ZNF761: variants seen among roughly 807,000 people sequenced by gnomAD.
ZNF761 encodes zinc finger protein 761.
ZNF761 carries 43 observed loss-of-function variants against 59.9 expected under a neutral mutation model. The ratio of observed to expected loss-of-function variants is 0.72; its 90% CI spans 0.56 to 0.92. The LOEUF (loss-of-function observed/expected upper bound fraction) is 0.92. ZNF761 is among the 40% of genes least tolerant of loss of function. The pLI, the probability that ZNF761 is intolerant of heterozygous loss-of-function variation, is 0.00. For synonymous variants in ZNF761, 294 were observed against 304.8 expected, an observed-to-expected ratio of 0.96 and a Z score of 0.37; for missense variants, 850 against 906.1, an observed-to-expected ratio of 0.94 and a Z score of 0.79.
At chr19:53,448,954 T>A (rs11883259) in intron 3 of ZNF761, among the ~76,000 whole-genome samples, 30,917 of 152,028 alleles carry the variant, frequency 0.2, 3,591 homozygotes, top group Non-Finnish European at 0.26. Context: ...TAGTTTCTCA[T>A]CTTTCACTGT....
chr19:53,446,996 G>C (rs144565376), intron 2 of ZNF761, 200 bp from the exon 3 acceptor site: 3,642 of 325,268 alleles, frequency 0.011, 33 homozygotes, highest in Non-Finnish European at 0.016. Context: ...TTCCAGCCCA[G>C]CTCCCACTGT....
intron 1 of ZNF761, among the ~76,000 whole-genome samples, chr19:53,439,930 C>T (rs1018712023): frequency 8.5e-5 from 13 of 152,066 alleles, no homozygotes; most frequent in Non-Finnish European, 1.6e-4. Flanking sequence ...TACAGCTAAA[C>T]CAGGTGGGTT....
chr19:53,457,254 T>C lies in ZNF761; in HGVS notation c.*506T>C. Reference sequence around the variant, plus strand: ...AGAGAGATCATACTAGGGTAATAAATGTGGCAGATTTTTCAGACATTGTTC... The same window carrying C: ...AGAGAGATCATACTAGGGTAATAAACGTGGCAGATTTTTCAGACATTGTTC... On this transcript the variant is annotated 3_prime_UTR_variant, in exon 5 of 5. Transcript: ENST00000684525. 2.3e-6 allele frequency: 1 copy of C among 435,962 alleles called. No homozygotes were observed. Among genetic ancestry groups the C allele is most frequent in the African/African-American group, 2.0e-5 (1 of 49,126 alleles). 27.0% of individuals were successfully genotyped at this position (435,962 alleles called of 1,614,324 possible).
chr19:53,446,050 C>G (rs1292138536), intron 1 of ZNF761, among the ~76,000 whole-genome samples, 177 bp from the exon 2 acceptor site: 1 of 152,198 alleles, frequency 6.6e-6, no homozygotes, highest in East Asian at 1.9e-4. Context: ...ACCCTATGTC[C>G]CTAAATGATC....
chr19:53,438,570 G>A lies in ZNF761; in HGVS notation c.-185+6542G>A, dbSNP rs76999294. Among the ~76,000 whole-genome samples, 3 of 152,084 alleles carry A rather than the reference G, an allele frequency of 2.0e-5. No individual in the cohort carries two copies. The South Asian group carries it at 6.2e-4, about 32-fold the overall frequency. On this transcript the variant is annotated intron_variant, in intron 1 of 4. Transcript: ENST00000684525. ...TTTCTTGGTTAGTTTTTTAAAAGAG[G>A]GGCTCCTTTTCCCCTCCTTTTGTGG...
intron 1 of ZNF761, among the ~76,000 whole-genome samples, chr19:53,437,056 G>A (rs905536237): frequency 1.3e-5 from 2 of 152,134 alleles, no homozygotes; most frequent in African/African-American, 4.8e-5. Context: ...AGTGGCTCAT[G>A]CCTGTAATCC....
At chr19:53,444,675 T>C (rs1600089738) in intron 1 of ZNF761, 2 of 152,198 alleles carry the variant, frequency 1.3e-5, no homozygotes, top group South Asian at 2.1e-4. Context: ...TCTCTATACT[T>C]TGTCTCTGTG....
chr19:53,435,546 A>G (rs2086032018), intron 1 of ZNF761, among the ~76,000 whole-genome samples: 1 of 150,814 alleles, frequency 6.6e-6, no homozygotes. Flanking sequence ...CAGGTGATCC[A>G]CCCATCGTGG....
At chr19:53,453,691 C>T (rs565932328) in intron 4 of ZNF761, among the ~76,000 whole-genome samples, 75 of 151,964 alleles carry the variant, frequency 4.9e-4, no homozygotes, top group Non-Finnish European at 5.9e-4. Flanking sequence ...GCCTGGCCAA[C>T]GTGTTGAAAC....
intron 2 of ZNF761, among the ~76,000 whole-genome samples, chr19:53,446,995 A>T (rs1177850521): frequency 6.6e-6 from 1 of 152,142 alleles, no homozygotes; most frequent in Non-Finnish European, 1.5e-5. Flanking sequence ...ATTCCAGCCC[A>T]GCTCCCACTG....
rs1330518741 is a variant in ZNF761, at chr19:53,448,554, G to A, written c.16-958G>A. Among the ~76,000 whole-genome samples the A allele has an allele frequency of 1.3e-5, 2 of 152,116 alleles. 1 individual carries two copies. The highest frequency in any genetic ancestry group is 2.9e-5 in the Non-Finnish European group (2 of 68,040). ...GTTATGAGACTTATGAGATGATATC[G>A]TTATGAGATATAATCGATGAGATAT... On this transcript the variant is annotated intron_variant, in intron 3 of 4. Transcript: ENST00000684525.
At chr19:53,449,407 C>T (rs2086195177) in intron 3 of ZNF761, 105 bp from the exon 4 acceptor site, 3 of 1,601,826 alleles carry the variant, frequency 1.9e-6, no homozygotes, top group Non-Finnish European at 2.6e-6. Flanking sequence ...TTTGTTAGAA[C>T]ATTCACTGCA....
chr19:53,449,654 C>G lies in ZNF761; in HGVS notation c.142+16C>G. ...GTCTCCCTGGGTGAGGATAACTTCC[C>G]TCCAGAAGTGGGAATGTGCCCTTGT... On this transcript the variant is annotated intron_variant, in intron 4 of 4. Transcript: ENST00000684525. 1.3e-6 allele frequency: 2 copies of G among 1,598,510 alleles called. No homozygotes were observed. Among genetic ancestry groups the G allele is most frequent in the Non-Finnish European group, 1.7e-6 (2 of 1,174,662 alleles).
intron 3 of ZNF761, 107 bp downstream of exon 3, chr19:53,447,390 TGCTCA>T: frequency 6.8e-7 from 1 of 1,473,830 alleles, no homozygotes; most frequent in Middle Eastern, 1.7e-4. Context: ...CTGACAGGTT[TGCTCA>T]CATTCACCCA....
intron 1 of ZNF761, chr19:53,442,542 A>G: frequency 2.9e-6 from 2 of 697,198 alleles, no homozygotes; most frequent in East Asian, 2.5e-5. Context: ...GAAATGCACC[A>G]AAGAGGAACA....
intron 1 of ZNF761, among the ~76,000 whole-genome samples, chr19:53,435,268 G>C (rs1281259051): frequency 7.2e-6 from 1 of 138,614 alleles, no homozygotes; most frequent in Non-Finnish European, 1.5e-5. Flanking sequence ...TGAGTAGGTC[G>C]TCTGGCTATA....
intron 1 of ZNF761, among the ~76,000 whole-genome samples, chr19:53,434,431 C>G (rs796884476): frequency 6.6e-5 from 10 of 152,174 alleles, no homozygotes; most frequent in African/African-American, 2.2e-4. Context: ...GGCCTGTGGC[C>G]CACAGATCCA....
intron 1 of ZNF761, among the ~76,000 whole-genome samples, chr19:53,434,777 A>G (rs1232638665): frequency 6.6e-6 from 1 of 152,180 alleles, no homozygotes; most frequent in East Asian, 1.9e-4. Flanking sequence ...TTTGCTTCTT[A>G]AGGCCATTGG....
chr19:53,440,115 G>A (rs180709572), intron 1 of ZNF761, among the ~76,000 whole-genome samples: 19 of 152,040 alleles, frequency 1.2e-4, no homozygotes, highest in African/African-American at 3.9e-4. Context: ...ACAGGAGTTC[G>A]AGACCAGCCT....
Sources: gnomAD v4.1 joint callset for allele counts (sites outside exome capture counted in the v4.1 genomes callset) on GRCh38, gnomAD v4.1.1 for gene constraint, MANE v1.5 for transcripts, NCBI Gene and HGNC (gene_info 2026-07-23, HGNC 2026-07-21) for gene names.